GABRG3: variants seen among roughly 807,000 people sequenced by gnomAD.
GABRG3 encodes the protein gamma-aminobutyric acid type A receptor subunit gamma3.
Under a neutral mutation model 48.8 loss-of-function variants are expected in GABRG3, and 25 were observed. That is an observed-to-expected ratio of 0.51 (90% CI 0.37 to 0.72). The LOEUF is 0.72. GABRG3 is among the 30% of genes least tolerant of loss of function. The pLI is 0.00. For missense variants in GABRG3, 394 were observed against 577.9 expected (o/e 0.68, Z 3.26); for synonymous variants, 227 against 217.6 (o/e 1.04, Z -0.38).
At chr15:27,046,901 A>G (rs1385529907) in intron 3 of GABRG3, among the ~76,000 whole-genome samples, 1 of 152,218 alleles carries the variant, frequency 6.6e-6, no homozygotes, top group Non-Finnish European at 1.5e-5. Context: ...AAGTGATGTT[A>G]TCAAATGAAG....
chr15:27,053,149 A>G (rs539804238), intron 3 of GABRG3, among the ~76,000 whole-genome samples: 13 of 152,228 alleles, frequency 8.5e-5, no homozygotes, highest in Admixed American at 5.9e-4. Flanking sequence ...CAACAAAAAC[A>G]AAAATTGACA....
intron 3 of GABRG3, among the ~76,000 whole-genome samples, chr15:27,234,309 A>G (rs745687922): frequency 6.6e-6 from 1 of 152,200 alleles, no homozygotes; most frequent in Non-Finnish European, 1.5e-5. Context: ...CAGAGAGCAG[A>G]CATGTAGCTT....
intron 5 of GABRG3, among the ~76,000 whole-genome samples, chr15:27,436,516 G>C (rs1355647564): frequency 6.6e-6 from 1 of 152,210 alleles, no homozygotes; most frequent in Non-Finnish European, 1.5e-5. Context: ...TACTGAGATG[G>C]TAGATAGGTT....
At chr15:27,430,455 A>G (rs945995024) in intron 5 of GABRG3, among the ~76,000 whole-genome samples, 3 of 152,144 alleles carry the variant, frequency 2.0e-5, no homozygotes, top group African/African-American at 7.2e-5. Flanking sequence ...TTGGTGTATT[A>G]TCTAAAATTC....
chr15:27,318,933 G>C (rs1425167858), intron 3 of GABRG3, among the ~76,000 whole-genome samples: 2 of 152,190 alleles, frequency 1.3e-5, no homozygotes, highest in African/African-American at 2.4e-5. Context: ...GTCCAGACTT[G>C]CAGTTAAGTT....
chr15:27,266,627 T>G (rs1045078244), intron 3 of GABRG3, among the ~76,000 whole-genome samples: 2 of 152,210 alleles, frequency 1.3e-5, no homozygotes, highest in Non-Finnish European at 2.9e-5. Context: ...TTTGGGAGAA[T>G]TAGCTCTCAA....
chr15:27,187,193 A>G (rs1194529278), intron 3 of GABRG3, among the ~76,000 whole-genome samples: 2 of 152,090 alleles, frequency 1.3e-5, no homozygotes, highest in African/African-American at 4.8e-5. Context: ...TCCTTTTTCC[A>G]TTGCTTTTTA....
chr15:27,058,231 C>T (rs962578918), intron 3 of GABRG3, among the ~76,000 whole-genome samples: 2 of 152,184 alleles, frequency 1.3e-5, no homozygotes, highest in African/African-American at 4.8e-5. Flanking sequence ...CTGATTTCTC[C>T]AAGGAAGTCC....
chr15:27,115,132 G>A (rs1595532990), intron 3 of GABRG3, among the ~76,000 whole-genome samples: 2 of 151,912 alleles, frequency 1.3e-5, no homozygotes, highest in Admixed American at 1.3e-4. Context: ...TTGTAAGTAG[G>A]CTATTCTTTT....
intron 3 of GABRG3, 184 bp downstream of exon 3, chr15:27,027,005 T>A: frequency 6.3e-6 from 3 of 479,662 alleles, no homozygotes; most frequent in Non-Finnish European, 1.1e-5. Context: ...TAGCTTGTGA[T>A]GGTAGTAGCA....
At chr15:27,076,281 A>G (rs1896908090) in intron 3 of GABRG3, among the ~76,000 whole-genome samples, 5 of 148,294 alleles carry the variant, frequency 3.4e-5, no homozygotes. Flanking sequence ...TGACATGTTT[A>G]TAAAAGAGCC....
At chr15:27,351,028 TTGTG>T (rs1894553712) in intron 5 of GABRG3, among the ~76,000 whole-genome samples, 1 of 149,194 alleles carries the variant, frequency 6.7e-6, no homozygotes, top group Admixed American at 6.6e-5. Context: ...TATGATGTGT[TTGTG>T]TGTATGGTGT....
At chr15:27,124,724 T>G (rs1389080983) in intron 3 of GABRG3, among the ~76,000 whole-genome samples, 1 of 152,170 alleles carries the variant, frequency 6.6e-6, no homozygotes, top group African/African-American at 2.4e-5. Context: ...GGGCAACAGC[T>G]GTGGGTGCTT....
At chr15:27,321,238 T>C (rs1893415120) in intron 3 of GABRG3, among the ~76,000 whole-genome samples, 1 of 152,180 alleles carries the variant, frequency 6.6e-6, no homozygotes, top group Non-Finnish European at 1.5e-5. Context: ...GGTGCACCTG[T>C]CCTCAGGGGT....
intron 5 of GABRG3, chr15:27,364,769 G>C (rs1895136049): frequency 6.6e-6 from 1 of 152,184 alleles, no homozygotes; most frequent in South Asian, 2.1e-4. Context: ...ACACATTACT[G>C]AAGGTTTACT....
At chr15:27,293,340 GT>G (rs1411279896) in intron 3 of GABRG3, among the ~76,000 whole-genome samples, 1 of 152,150 alleles carries the variant, frequency 6.6e-6, no homozygotes, top group Non-Finnish European at 1.5e-5. Context: ...ATGCAGCTGT[GT>G]TTATTGGGAG....
At chr15:27,488,941 A>T (rs1166907471) in intron 6 of GABRG3, among the ~76,000 whole-genome samples, 1 of 152,170 alleles carries the variant, frequency 6.6e-6, no homozygotes, top group African/African-American at 2.4e-5. Flanking sequence ...CAGGTTTGTT[A>T]CATAGGTATA....
chr15:27,525,794 T>TA (rs11409048), intron 7 of GABRG3, among the ~76,000 whole-genome samples: 96,042 of 151,820 alleles, frequency 0.63, 31,777 homozygotes, highest in African/African-American at 0.84. Flanking sequence ...CATTCTTTTT[T>TA]TGGCTGCATA....
At position 27,062,467 on chromosome 15, in the gene GABRG3, G is replaced by GGA. The variant is rs1896666818; in HGVS notation, c.270+35646_270+35647insGA. Among the ~76,000 whole-genome samples, 12 of 69,844 alleles carry GGA rather than the reference G, an allele frequency of 1.7e-4. No homozygotes were observed. The South Asian group carries it at 4.6e-3, about 27-fold the overall frequency. 45.8% of individuals were successfully genotyped at this position (69,844 alleles called of 152,430 possible). A position where few individuals can be genotyped will look rare whatever the true frequency, so the allele number is the denominator to read the frequency against. ...AAAAAAAAAAAAAAAAATTAGCCTT[G>GGA]CATGATGGCAGGTGCCTGTAATCCC... is the stretch of plus-strand genomic sequence containing the variant. On this transcript the variant is annotated intron_variant, in intron 3 of 9. Transcript: ENST00000615808.
Sources: gnomAD v4.1 joint callset for allele counts (sites outside exome capture counted in the v4.1 genomes callset) on GRCh38, gnomAD v4.1.1 for gene constraint, MANE v1.5 for transcripts, NCBI Gene and HGNC (gene_info 2026-07-23, HGNC 2026-07-21) for gene names.